Variants in TPH2 observed in about 807,000 individuals in gnomAD.
The protein encoded by TPH2 is tryptophan hydroxylase 2, also known as tryptophan 5-hydroxylase 2.
TPH2 carries 27 observed loss-of-function variants against 59.1 expected under a neutral mutation model. That is an observed-to-expected ratio of 0.46 (90% confidence interval 0.34 to 0.63). The LOEUF is 0.63. TPH2 is among the 30% of genes least tolerant of loss of function. The probability of loss-of-function intolerance (pLI) is 0.01; values close to 1 mark genes in which losing one functional copy is unlikely to be tolerated. For missense variants in TPH2, 523 were observed against 588.3 expected (o/e 0.89, Z 1.15); for synonymous variants, 220 against 210.5 (o/e 1.05, Z -0.39).
chr12:72,013,183 G>A (rs1873146893), intron 8 of TPH2, among the ~76,000 whole-genome samples: 1 of 152,080 alleles, frequency 6.6e-6, no homozygotes, highest in Non-Finnish European at 1.5e-5. Context: ...CAGAGTTTAG[G>A]TTTTTACATT....
chr12:71,983,405 A>G (rs1872342127), intron 7 of TPH2, among the ~76,000 whole-genome samples: 1 of 152,200 alleles, frequency 6.6e-6, no homozygotes. Context: ...CAATTGGGCC[A>G]AATTCAAAGT....
intron 8 of TPH2, among the ~76,000 whole-genome samples, chr12:72,001,346 T>C (rs1029008362): frequency 6.6e-6 from 1 of 152,032 alleles, no homozygotes; most frequent in Admixed American, 6.6e-5. Flanking sequence ...CCTTATGAAA[T>C]GGCATTATGA....
chr12:71,958,773 T>G (rs1336365878), intron 5 of TPH2, among the ~76,000 whole-genome samples: 2 of 152,254 alleles, frequency 1.3e-5, no homozygotes, highest in African/African-American at 4.8e-5. Context: ...TGGTTTTTAC[T>G]AGTTGCTAGC....
chr12:72,017,926 A>G (rs904464369), intron 8 of TPH2, among the ~76,000 whole-genome samples: 3 of 152,188 alleles, frequency 2.0e-5, no homozygotes, highest in Admixed American at 1.3e-4. Flanking sequence ...ATCATGCCCT[A>G]TGCATTCTGA....
At chr12:71,984,495 G>A (rs1396427154) in intron 7 of TPH2, among the ~76,000 whole-genome samples, 1 of 152,078 alleles carries the variant, frequency 6.6e-6, no homozygotes, top group Non-Finnish European at 1.5e-5. Flanking sequence ...TGGGACTTGG[G>A]CCCTGGCTGT....
At position 71,945,810 on chromosome 12, in the gene TPH2, A is replaced by G. The variant is rs954632361; in HGVS notation, c.540+1124A>G. 5.3e-5 allele frequency among the ~76,000 whole-genome samples: 8 copies of G among 152,306 alleles called. 1 individual carries two copies. The highest frequency in any genetic ancestry group is 1.2e-4 in the Non-Finnish European group (8 of 68,010). On this transcript the variant is annotated intron_variant, in intron 4 of 10. Transcript: ENST00000333850. ...AAATATACCATTCAAACAAATGGTCAAACAGACCTAATTCAATTGCATTAT... is the reference window on the plus strand; with the variant it reads ...AAATATACCATTCAAACAAATGGTCGAACAGACCTAATTCAATTGCATTAT...
At chr12:72,020,214 T>C (rs776221968) in intron 8 of TPH2, among the ~76,000 whole-genome samples, 7 of 152,298 alleles carry the variant, frequency 4.6e-5, no homozygotes, top group Non-Finnish European at 8.8e-5. Context: ...CTAAACATCC[T>C]ACCATGTACA....
At chr12:71,956,675 T>G (rs2139190798) in intron 5 of TPH2, among the ~76,000 whole-genome samples, 1 of 152,130 alleles carries the variant, frequency 6.6e-6, no homozygotes, top group Non-Finnish European at 1.5e-5. Flanking sequence ...AGTGGTATGA[T>G]TTTAGCTCAC....
At chr12:71,941,475 T>C in intron 1 of TPH2, 109 bp from the exon 2 acceptor site, 1 of 1,357,248 alleles carries the variant, frequency 7.4e-7, no homozygotes, top group Non-Finnish European at 1.0e-6. Context: ...GTTTGTATGA[T>C]TGGTGGAGCT....
In TPH2 at chr12:71,944,440, G is replaced by T. The variant is rs1214042774; in HGVS notation, c.402G>T (p.Thr134=). 6.2e-7 allele frequency: 1 copy of T among 1,613,976 alleles called. No homozygotes were observed. The highest frequency in any genetic ancestry group is 1.7e-5 in the Admixed American group (1 of 60,000). Residue 134 remains threonine, a synonymous_variant, in exon 3 of 11, where the codon ACG becomes ACT. Transcript: ENST00000333850. The stretch of plus-strand genomic sequence containing the variant: ...TGAAATTTCAAACCACTATTGTGAC[G>T]CTGAATCCTCCAGAGAACATTTGGA... ...QLLKFQTTIV[T]LNPPENIWTE... is the part of the protein sequence containing the mutation.
chr12:71,973,370 C>T (rs182379719), intron 6 of TPH2, among the ~76,000 whole-genome samples: 261 of 152,246 alleles, frequency 1.7e-3, no homozygotes, highest in Non-Finnish European at 3.0e-3. Context: ...TGAGAGTGAC[C>T]TCTGGTCATT....
rs781612841 is a variant in TPH2 at position 71,982,015 on chromosome 12, A to ATTTTTTTTTT, written c.941+2936_941+2945dup. Among the ~76,000 whole-genome samples the ATTTTTTTTTT allele has an allele frequency of 1.6e-3, 98 of 60,494 alleles. 20 individuals carry two copies. Among genetic ancestry groups the ATTTTTTTTTT allele is most frequent in the East Asian group, 4.7e-3 (11 of 2,330 alleles). 39.7% of individuals were successfully genotyped at this position (60,494 alleles called of 152,430 possible). ...TTTTTGTGGGTTTCATATCATTCGT[A>ATTTTTTTTTT]TTTTTTTTTTTTTTTTTAGACAGAG... is the stretch of plus-strand genomic sequence containing the variant. On this transcript the variant is annotated intron_variant, in intron 7 of 10. Transcript: ENST00000333850.
intron 2 of TPH2, among the ~76,000 whole-genome samples, chr12:71,942,558 T>C (rs74104723): frequency 0.041 from 6,286 of 152,322 alleles, 366 homozygotes; most frequent in African/African-American, 0.13. Context: ...GGTTCAGACC[T>C]GTGTTATCCT....
chr12:72,031,961 C>G lies in TPH2; in HGVS notation c.*266C>G. 1 of 461,972 alleles carries G rather than the reference C, an allele frequency of 2.2e-6. No individual in the cohort carries two copies. Among genetic ancestry groups the G allele is most frequent in the Non-Finnish European group, 4.0e-6 (1 of 252,040 alleles). 28.6% of individuals were successfully genotyped at this position (461,972 alleles called of 1,614,324 possible). A position where few individuals can be genotyped will look rare whatever the true frequency, so the allele number is the denominator to read the frequency against. On this transcript the variant is annotated 3_prime_UTR_variant, in exon 11 of 11. Transcript: ENST00000333850. ...GACATTCCTGCTTAGTGTCCTTAACCAAACTGCATCTAGTTAAAATTTGTA... is the reference window on the plus strand; with the variant it reads ...GACATTCCTGCTTAGTGTCCTTAACGAAACTGCATCTAGTTAAAATTTGTA...
intron 4 of TPH2, among the ~76,000 whole-genome samples, chr12:71,948,152 T>C (rs1419394296): frequency 6.6e-6 from 1 of 151,748 alleles, no homozygotes; most frequent in East Asian, 1.9e-4. Flanking sequence ...ATGTGGTAAC[T>C]ATTTATTTTA....
At chr12:71,985,593 T>G (rs1592398889) in intron 7 of TPH2, among the ~76,000 whole-genome samples, 1 of 152,122 alleles carries the variant, frequency 6.6e-6, no homozygotes, top group Middle Eastern at 3.4e-3. Flanking sequence ...TAGACAAGGT[T>G]TTATCATGTT....
At chr12:72,027,720 C>T (rs570522811) in intron 9 of TPH2, among the ~76,000 whole-genome samples, 19 of 152,082 alleles carry the variant, frequency 1.2e-4, no homozygotes, top group East Asian at 1.9e-4. Context: ...TTAACTTGTG[C>T]GCCAAAGTCA....
rs531211749 is a variant in TPH2 at position 71,981,024 on chromosome 12, T to A, written c.941+1937T>A. 7.2e-5 allele frequency among the ~76,000 whole-genome samples: 11 copies of A among 152,218 alleles called. No homozygotes were observed. The South Asian group carries it at 2.3e-3, about 32-fold the overall frequency. ...AGTGTGGTTAGGGTTATAATTAGTG[T>A]GTGTAAAAAGTGCTGGAGAGCACAG... On this transcript the variant is annotated intron_variant, in intron 7 of 10. Coordinates refer to ENST00000333850, the MANE Select transcript of TPH2 (RefSeq NM_173353.4).
intron 2 of TPH2, among the ~76,000 whole-genome samples, chr12:71,942,945 T>G (rs1205168732): frequency 1.3e-5 from 2 of 151,962 alleles, no homozygotes; most frequent in African/African-American, 2.4e-5. Context: ...GGAGAAGGAG[T>G]TAGCAGCCCT....
Sources: allele counts gnomAD v4.1 joint callset (sites outside exome capture counted in the v4.1 genomes callset), GRCh38; gene constraint gnomAD v4.1.1; transcripts MANE v1.5; gene names NCBI Gene and HGNC (gene_info 2026-07-23, HGNC 2026-07-21).